Variants in GRID2 observed in about 807,000 individuals in gnomAD.
GRID2 encodes the protein glutamate ionotropic receptor delta type subunit 2, also known as glutamate receptor ionotropic, delta-2.
A neutral mutation model predicts 114.8 loss-of-function variants in GRID2; 33 were observed. That is an observed-to-expected ratio of 0.29 (90% CI 0.22 to 0.38). GRID2 has a LOEUF of 0.38. Ranked by LOEUF, GRID2 falls within the 10% of genes least tolerant of loss-of-function variation. The pLI, the probability that GRID2 is intolerant of heterozygous loss-of-function variation, is 1.00. For synonymous variants in GRID2, 505 were observed against 449.9 expected, an observed-to-expected ratio of 1.12 and a Z score of -1.55; for missense variants, 1,184 against 1,257.7, an observed-to-expected ratio of 0.94 and a Z score of 0.89.
At chr4:93,241,991 GA>G (rs1747577439) in intron 8 of GRID2, among the ~76,000 whole-genome samples, 1 of 151,900 alleles carries the variant, frequency 6.6e-6, no homozygotes, top group East Asian at 1.9e-4. Context: ...TAGGGGAAAA[GA>G]GAGGATTGGA....
intron 2 of GRID2, among the ~76,000 whole-genome samples, chr4:92,671,859 T>C (rs990739822): frequency 6.6e-6 from 1 of 152,172 alleles, no homozygotes; most frequent in Non-Finnish European, 1.5e-5. Flanking sequence ...AAATAACTTT[T>C]GCTAACAACT....
intron 8 of GRID2, among the ~76,000 whole-genome samples, chr4:93,301,614 C>G (rs1397416182): frequency 6.6e-6 from 1 of 152,092 alleles, no homozygotes; most frequent in Non-Finnish European, 1.5e-5. Context: ...AAAACAGTAA[C>G]TGTTTAATTT....
intron 1 of GRID2, among the ~76,000 whole-genome samples, chr4:93,790,939 G>A (rs187962391): frequency 1.3e-5 from 2 of 152,218 alleles, no homozygotes; most frequent in East Asian, 1.9e-4. Context: ...TTTAATAGAC[G>A]TAAAACACTT....
chr4:93,650,014 A>C (rs919757619), intron 14 of GRID2, among the ~76,000 whole-genome samples: 3 of 152,026 alleles, frequency 2.0e-5, no homozygotes, highest in African/African-American at 7.2e-5. Flanking sequence ...TCCCTGACCC[A>C]GCCCCCCATC....
At chr4:93,495,501 G>C (rs1241325584) in intron 12 of GRID2, among the ~76,000 whole-genome samples, 3 of 151,770 alleles carry the variant, frequency 2.0e-5, no homozygotes, top group Non-Finnish European at 1.5e-5. Context: ...TAAAGAAAAG[G>C]AAAGTGGGAC....
At chr4:92,391,103 G>T (rs1730218754) in intron 1 of GRID2, among the ~76,000 whole-genome samples, 1 of 152,240 alleles carries the variant, frequency 6.6e-6, no homozygotes, top group East Asian at 1.9e-4. Flanking sequence ...ATATTTGAAA[G>T]CCAAAGGAGC....
At chr4:93,123,857 T>C (rs1734013643) in intron 4 of GRID2, among the ~76,000 whole-genome samples, 1 of 151,312 alleles carries the variant, frequency 6.6e-6, no homozygotes, top group South Asian at 2.1e-4. Flanking sequence ...TGTAAATGAA[T>C]CCAAAAATAA....
chr4:93,780,721 TCA>T (rs1280320464), intron 1 of GRID2, among the ~76,000 whole-genome samples: 2 of 152,132 alleles, frequency 1.3e-5, no homozygotes, highest in Non-Finnish European at 2.9e-5. Flanking sequence ...GGGCTGGCGC[TCA>T]CAGAGGCTCA....
intron 14 of GRID2, among the ~76,000 whole-genome samples, chr4:93,742,695 G>A (rs188889130): frequency 7.2e-5 from 11 of 152,208 alleles, no homozygotes; most frequent in East Asian, 3.9e-4. Flanking sequence ...ACAATAAACC[G>A]AACCCAGAGA....
At chr4:93,419,457 T>G (rs1181867955) in intron 9 of GRID2, among the ~76,000 whole-genome samples, 1 of 152,050 alleles carries the variant, frequency 6.6e-6, no homozygotes, top group Non-Finnish European at 1.5e-5. Flanking sequence ...TCTTTTGCTA[T>G]GTTTACCTGT....
chr4:92,682,501 C>T (rs961454022), intron 2 of GRID2, among the ~76,000 whole-genome samples: 1 of 152,160 alleles, frequency 6.6e-6, no homozygotes, highest in African/African-American at 2.4e-5. Context: ...AAGTATACTT[C>T]CATTTCATAT....
chr4:92,813,663 C>A (rs1029782854), intron 2 of GRID2, among the ~76,000 whole-genome samples: 2 of 152,062 alleles, frequency 1.3e-5, no homozygotes, highest in Non-Finnish European at 2.9e-5. Context: ...CGCACGCACA[C>A]ACACACACAT....
chr4:92,780,541 A>G (rs945922121), intron 2 of GRID2, among the ~76,000 whole-genome samples: 4 of 152,158 alleles, frequency 2.6e-5, no homozygotes, highest in African/African-American at 7.2e-5. Context: ...AATCATTTAA[A>G]CAATAAGGAA....
At chr4:92,755,355 A>T (rs1449931690) in intron 2 of GRID2, among the ~76,000 whole-genome samples, 1 of 152,192 alleles carries the variant, frequency 6.6e-6, no homozygotes, top group East Asian at 1.9e-4. Flanking sequence ...GTAAGAAGCT[A>T]TCATTGTATA....
At chr4:92,893,420 T>G (rs1380118478) in intron 2 of GRID2, among the ~76,000 whole-genome samples, 1 of 152,192 alleles carries the variant, frequency 6.6e-6, no homozygotes, top group Non-Finnish European at 1.5e-5. Context: ...GGTATCTGGA[T>G]TGACATAAAT....
chr4:93,540,870 A>G (rs1266412065), intron 13 of GRID2, among the ~76,000 whole-genome samples: 1 of 152,168 alleles, frequency 6.6e-6, no homozygotes, highest in Non-Finnish European at 1.5e-5. Context: ...AACTGTAGAA[A>G]TTTTGGTTCA....
At chr4:93,669,171 A>G (rs1339251807) in intron 14 of GRID2, among the ~76,000 whole-genome samples, 1 of 152,096 alleles carries the variant, frequency 6.6e-6, no homozygotes, top group African/African-American at 2.4e-5. Context: ...CAAAAATAGT[A>G]TTAGACATAC....
intron 2 of GRID2, among the ~76,000 whole-genome samples, chr4:92,879,235 A>G (rs1251188595): frequency 6.6e-6 from 1 of 152,220 alleles, no homozygotes; most frequent in East Asian, 1.9e-4. Context: ...GTATGAGGGT[A>G]TTGATACTTT....
chr4:93,471,852 C>A (rs1724860063), intron 11 of GRID2, among the ~76,000 whole-genome samples: 1 of 149,304 alleles, frequency 6.7e-6, no homozygotes, highest in Non-Finnish European at 1.5e-5. Context: ...AGGCACACAC[C>A]ACCACGCCAG....
Sources: allele counts gnomAD v4.1 joint callset (sites outside exome capture counted in the v4.1 genomes callset), GRCh38; gene constraint gnomAD v4.1.1; transcripts MANE v1.5; gene names NCBI Gene and HGNC (gene_info 2026-07-23, HGNC 2026-07-21).